Variants in MACROD2 observed in about 807,000 individuals in gnomAD.
MACROD2 encodes mono-ADP ribosylhydrolase 2.
A neutral mutation model predicts 70.4 loss-of-function variants in MACROD2; 36 were observed. That is an observed-to-expected ratio of 0.51 (90% confidence interval 0.39 to 0.68). The LOEUF (loss-of-function observed/expected upper bound fraction) is 0.68. MACROD2 is among the 30% of genes least tolerant of loss of function. MACROD2 has a pLI of 0.00. For synonymous variants in MACROD2, 172 were observed against 178.8 expected (o/e 0.96, Z 0.30); for missense variants, 496 against 538.4 (o/e 0.92, Z 0.78).
At chr20:14,713,185 T>G (rs940348564) in intron 5 of MACROD2, among the ~76,000 whole-genome samples, 3 of 152,100 alleles carry the variant, frequency 2.0e-5, no homozygotes, top group African/African-American at 7.2e-5. Context: ...TTGGAAGACT[T>G]GAGGAGAAAT....
intron 2 of MACROD2, among the ~76,000 whole-genome samples, chr20:14,012,199 A>G (rs537743617): frequency 6.6e-6 from 1 of 152,272 alleles, no homozygotes; most frequent in East Asian, 1.9e-4. Flanking sequence ...GAGCCACCGT[A>G]CTCAGGGTGT....
chr20:14,933,352 T>TA (rs1440252423), intron 5 of MACROD2, among the ~76,000 whole-genome samples: 2 of 152,214 alleles, frequency 1.3e-5, no homozygotes, highest in Non-Finnish European at 2.9e-5. Flanking sequence ...AGCACAGAAA[T>TA]AAAATATTAG....
intron 5 of MACROD2, among the ~76,000 whole-genome samples, chr20:15,113,032 A>G (rs577026229): frequency 2.6e-5 from 4 of 151,848 alleles, no homozygotes; most frequent in African/African-American, 7.2e-5. Flanking sequence ...CTATCAATGA[A>G]CACTTCAGTT....
chr20:15,612,013 C>T (rs2048977038), intron 8 of MACROD2, among the ~76,000 whole-genome samples: 1 of 151,618 alleles, frequency 6.6e-6, no homozygotes, highest in Non-Finnish European at 1.5e-5. Context: ...TGTTGCAGTA[C>T]TGCCCACAGG....
intron 5 of MACROD2, among the ~76,000 whole-genome samples, chr20:14,843,276 A>T (rs979975766): frequency 6.6e-6 from 1 of 150,958 alleles, no homozygotes; most frequent in African/African-American, 2.4e-5. Context: ...TGAAGGAAAT[A>T]TTAGAGCTTT....
intron 3 of MACROD2, among the ~76,000 whole-genome samples, chr20:14,478,418 T>G (rs2041000846): frequency 6.6e-6 from 1 of 152,220 alleles, no homozygotes; most frequent in African/African-American, 2.4e-5. Flanking sequence ...TTTGAATTGG[T>G]GTTCCTTTAT....
chr20:15,072,509 A>C (rs2075626470), intron 5 of MACROD2, among the ~76,000 whole-genome samples: 1 of 152,092 alleles, frequency 6.6e-6, no homozygotes, highest in African/African-American at 2.4e-5. Context: ...TATTTTTCTG[A>C]CTCTAGTTTA....
intron 3 of MACROD2, among the ~76,000 whole-genome samples, chr20:14,190,037 C>G (rs2148737615): frequency 6.6e-6 from 1 of 152,254 alleles, no homozygotes; most frequent in Admixed American, 6.5e-5. Context: ...CTGTATATCT[C>G]TAAAACTTCC....
chr20:15,651,025 T>A (rs1476620132), intron 8 of MACROD2, among the ~76,000 whole-genome samples: 1 of 152,226 alleles, frequency 6.6e-6, no homozygotes, highest in Non-Finnish European at 1.5e-5. Flanking sequence ...GAATACAAAT[T>A]ATTTTTGCTT....
At chr20:16,003,793 C>T (rs34627946) in intron 15 of MACROD2, among the ~76,000 whole-genome samples, 1,694 of 152,222 alleles carry the variant, frequency 0.011, 13 homozygotes, top group Non-Finnish European at 0.016. Context: ...GCCTCAGCCT[C>T]CTGAGTAGCT....
At chr20:14,495,270 C>A (rs989202170) in intron 4 of MACROD2, among the ~76,000 whole-genome samples, 1 of 152,052 alleles carries the variant, frequency 6.6e-6, no homozygotes, top group Non-Finnish European at 1.5e-5. Context: ...TCTGTTCTTT[C>A]CTAGTGCATG....
intron 3 of MACROD2, among the ~76,000 whole-genome samples, chr20:14,087,145 A>C (rs1449267584): frequency 6.6e-6 from 1 of 152,194 alleles, no homozygotes; most frequent in Non-Finnish European, 1.5e-5. Context: ...CTGTAAGCCC[A>C]GCACTTTGGG....
intron 7 of MACROD2, among the ~76,000 whole-genome samples, chr20:15,495,449 A>G (rs1241730532): frequency 6.6e-6 from 1 of 152,228 alleles, no homozygotes; most frequent in Non-Finnish European, 1.5e-5. Context: ...ATAAATCTCT[A>G]TATTTTTCCC....
intron 5 of MACROD2, among the ~76,000 whole-genome samples, chr20:14,808,528 A>T (rs1283263297): frequency 1.3e-5 from 2 of 152,106 alleles, no homozygotes; most frequent in African/African-American, 4.8e-5. Flanking sequence ...TGCATAAACT[A>T]ATGGGCAAAA....
chr20:14,424,684 C>T (rs2083914754), intron 3 of MACROD2, among the ~76,000 whole-genome samples: 1 of 152,124 alleles, frequency 6.6e-6, no homozygotes, highest in Non-Finnish European at 1.5e-5. Context: ...TGATGTTTGC[C>T]ATAGTCCTGG....
chr20:14,933,104 A>T (rs2074310475), intron 5 of MACROD2, among the ~76,000 whole-genome samples: 1 of 152,066 alleles, frequency 6.6e-6, no homozygotes, highest in Non-Finnish European at 1.5e-5. Flanking sequence ...TCCATGAGAA[A>T]TTGTCAGGGT....
At chr20:15,007,389 A>AC (rs1555772944) in intron 5 of MACROD2, among the ~76,000 whole-genome samples, 2,109 of 151,554 alleles carry the variant, frequency 0.014, 59 homozygotes, top group African/African-American at 0.049. Context: ...CAAAAAAAAA[A>AC]CACAAAAAAG....
At chr20:15,347,213 A>G (rs970509559) in intron 6 of MACROD2, among the ~76,000 whole-genome samples, 11 of 152,326 alleles carry the variant, frequency 7.2e-5, no homozygotes, top group South Asian at 6.2e-4. Flanking sequence ...TACCATTTAT[A>G]TAGCCTTATT....
chr20:14,864,856 A>G (rs2073411172), intron 5 of MACROD2, among the ~76,000 whole-genome samples: 1 of 152,174 alleles, frequency 6.6e-6, no homozygotes, highest in Non-Finnish European at 1.5e-5. Flanking sequence ...TGTAAGTCTT[A>G]TAAGTTCCCT....
Sources: allele counts gnomAD v4.1 joint callset (sites outside exome capture counted in the v4.1 genomes callset), GRCh38; gene constraint gnomAD v4.1.1; transcripts MANE v1.5; gene names NCBI Gene and HGNC (gene_info 2026-07-23, HGNC 2026-07-21).